The following RIF1 variants were observed in gnomAD, a reference collection of about 807,000 sequenced individuals.
RIF1 encodes replication timing regulatory factor 1.
Under a neutral mutation model 247.1 loss-of-function variants are expected in RIF1, and 45 were observed. The observed-to-expected ratio is 0.18, with a 90% CI of 0.14 to 0.23. RIF1 has a LOEUF of 0.23. Among genes scored for constraint, RIF1 ranks in the 10% least tolerant of loss-of-function variants. The pLI, the probability that RIF1 is intolerant of heterozygous loss-of-function variation, is 1.00. For missense variants in RIF1, 2,967 were observed against 2,862.5 expected, an observed-to-expected ratio of 1.04 and a Z score of -0.83; for synonymous variants, 1,087 against 978.8, an observed-to-expected ratio of 1.11 and a Z score of -2.06.
intron 18 of RIF1, among the ~76,000 whole-genome samples, chr2:151,444,255 A>G (rs1484760656): frequency 6.6e-6 from 1 of 152,224 alleles, no homozygotes; most frequent in Non-Finnish European, 1.5e-5. Context: ...GGGAATATGC[A>G]TTCTCTGGGC....
the RIF1 span, chr2:151,531,214 A>AT: frequency 1.4e-6 from 1 of 713,080 alleles, no homozygotes. Flanking sequence ...AATTCTATGA[A>AT]TTTGACAGGT....
intron 9 of RIF1, chr2:151,492,206 C>G (rs1341580706): frequency 1.9e-6 from 3 of 1,613,814 alleles, no homozygotes; most frequent in African/African-American, 2.7e-5. Context: ...TTCTTCTTTA[C>G]TCGTTCAGTG....
chr2:151,444,144 A>C (rs1242299891), intron 18 of RIF1, among the ~76,000 whole-genome samples: 4 of 152,212 alleles, frequency 2.6e-5, no homozygotes, highest in East Asian at 3.8e-4. Flanking sequence ...TAAATACTTA[A>C]ATCCTCAATG....
At chr2:151,466,255 T>C in intron 30 of RIF1, 135 bp downstream of exon 30, 2 of 608,918 alleles carry the variant, frequency 3.3e-6, no homozygotes, top group Admixed American at 5.6e-5. Flanking sequence ...TAATGGTTGC[T>C]AGGGAAAAGG....
In RIF1 at chr2:151,497,912, G is replaced by T. The variant is rs2061390020; in HGVS notation, c.*514-1433G>T. 15 of 1,473,162 alleles carry T rather than the reference G, an allele frequency of 1.0e-5. No individual in the cohort carries two copies. The South Asian group carries it at 2.0e-4, about 19-fold the overall frequency. 91.3% of individuals were successfully genotyped at this position (1,473,162 alleles called of 1,614,324 possible). ...ACCCTCTAGAGAAGCAGGGACTTCA[G>T]CTGCTGAGGAAGGGCTGTCAGAGTT... On this transcript the variant is annotated intron_variant and NMD_transcript_variant, in intron 10 of 13. Transcript: ENST00000454583.
Position 151,505,508 on chromosome 2 carries a change from AC to A in RIF1, c.*862-701del. The A allele has an allele frequency of 1.9e-6, 3 of 1,613,658 alleles. No individual in the cohort carries two copies. The highest frequency in any genetic ancestry group is 2.5e-6 in the Non-Finnish European group (3 of 1,179,708). On this transcript the variant is annotated intron_variant and NMD_transcript_variant, in intron 12 of 13. Coordinates refer to the RIF1 transcript ENST00000454583. ...TAATGTGCTTCTGCGTCTCCTTCAC[AC>A]GTTTCACTTCAGGCAGGTCAGGGAT... is the stretch of plus-strand genomic sequence containing the variant.
Position 151,443,535 on chromosome 2 carries a change from T to C in RIF1, c.1812T>C (p.Phe604=). ...TTTATAATTTTTTGTTCAGGTTCTT[T>C]CTCAGTTTGGAATCACTTGTAGGCT... ...LECGVSDERF[F]LSLESLVGCV... Residue 604 remains phenylalanine, a synonymous_variant, in exon 18 of 36, where the codon TTT becomes TTC. Transcript: ENST00000444746. 6.4e-7 allele frequency: 1 copy of C among 1,569,042 alleles called. No homozygotes were observed. Among genetic ancestry groups the C allele is most frequent in the African/African-American group, 1.4e-5 (1 of 72,692 alleles).
At chr2:151,534,420 T>G in the RIF1 span, 3 of 948,384 alleles carry the variant, frequency 3.2e-6, no homozygotes, top group African/African-American at 1.6e-5. Flanking sequence ...ATGTCATCTC[T>G]AGTGGCGGGC....
chr2:151,443,776 A>G (rs1692768458), intron 18 of RIF1, 67 bp downstream of exon 18: 1 of 947,936 alleles, frequency 1.1e-6, no homozygotes, highest in East Asian at 2.8e-5. Flanking sequence ...CAGTTGGGGA[A>G]ATGAATAGAA....
At chr2:151,471,627 A>C (rs1316427962) in intron 34 of RIF1, among the ~76,000 whole-genome samples, 1 of 152,212 alleles carries the variant, frequency 6.6e-6, no homozygotes, top group Non-Finnish European at 1.5e-5. Flanking sequence ...TAAATAGGGA[A>C]TCCTTTCCCC....
chr2:151,440,291 T>G (rs183712544), intron 15 of RIF1, among the ~76,000 whole-genome samples, 164 bp downstream of exon 15: 91 of 152,258 alleles, frequency 6.0e-4, no homozygotes, highest in Non-Finnish European at 2.9e-4. Flanking sequence ...AACTGTAGAG[T>G]CATTTGAAAC....
At chr2:151,472,487 G>A (rs1207690650) in intron 34 of RIF1, among the ~76,000 whole-genome samples, 3 of 152,150 alleles carry the variant, frequency 2.0e-5, no homozygotes, top group Non-Finnish European at 4.4e-5. Flanking sequence ...TGCCCATTCA[G>A]TATGATATTG....
chr2:151,499,484 G>A, exon 11 of RIF1: 3 of 692,962 alleles, frequency 4.3e-6, no homozygotes. Context: ...AACTACAGAC[G>A]TCAGACAGAA....
At chr2:151,518,471 C>T in the RIF1 span, 1 of 1,166,200 alleles carries the variant, frequency 8.6e-7, no homozygotes, top group Non-Finnish European at 1.3e-6. Context: ...AGCTGCTCAG[C>T]ATTCCTATTT....
rs746180925 is a variant in RIF1, at chr2:151,497,664, T to C, written c.*514-1681T>C. 19 of 1,585,562 alleles carry C rather than the reference T, an allele frequency of 1.2e-5. No individual in the cohort carries two copies. Among genetic ancestry groups the C allele is most frequent in the Non-Finnish European group, 1.6e-5 (19 of 1,163,596 alleles). On this transcript the variant is annotated intron_variant and NMD_transcript_variant, in intron 10 of 13. Coordinates refer to the RIF1 transcript ENST00000454583. ...TCTTGATTGTGTTTGACTCTTTCCA[T>C]CTCGGGAGTGACAGGTAAAGGGGTT...
the RIF1 span, among the ~76,000 whole-genome samples, chr2:151,516,925 A>T: frequency 2.4e-3 from 367 of 152,348 alleles, no homozygotes; most frequent in Non-Finnish European, 3.9e-3. Context: ...CTTTAAAATT[A>T]TTAATGCTAT....
Position 151,468,568 on chromosome 2 carries a change from T to C in RIF1, c.6825+17T>C, listed in dbSNP as rs1697315443. 2 of 1,607,518 alleles carry C rather than the reference T, an allele frequency of 1.2e-6. No homozygotes were observed. Among genetic ancestry groups the C allele is most frequent in the Non-Finnish European group, 8.5e-7 (1 of 1,174,100 alleles). ...AAGTGTTTAGTAAGAAGTGCTTTAG[T>C]TTTCATGTCACTTTATATTTTCATG... On this transcript the variant is annotated intron_variant, in intron 32 of 35. Coordinates refer to ENST00000444746, the MANE Select transcript of RIF1 (RefSeq NM_018151.5).
At position 151,489,663 on chromosome 2, in the gene RIF1, C is replaced by T. The variant is rs574477731; in HGVS notation, c.*416-5566C>T. 3.3e-5 allele frequency among the ~76,000 whole-genome samples: 5 copies of T among 152,264 alleles called. No individual in the cohort carries two copies. In the East Asian group the frequency reaches 9.7e-4, roughly 29 times the overall value. ...CCTCCTGCATCAGCGTCCCAAAGTG[C>T]TGGCATTATAGGCATGATTCACTAT... On this transcript the variant is annotated intron_variant and NMD_transcript_variant, in intron 9 of 13. Transcript: ENST00000454583.
intron 19 of RIF1, 134 bp from the exon 20 acceptor site, chr2:151,446,292 C>A: frequency 1.2e-6 from 1 of 838,164 alleles, no homozygotes; most frequent in Non-Finnish European, 1.8e-6. Context: ...AGCCACTGCA[C>A]CCGGCCGTTA....
Sources: gnomAD v4.1 joint callset for allele counts (sites outside exome capture counted in the v4.1 genomes callset) on GRCh38, gnomAD v4.1.1 for gene constraint, MANE v1.5 for transcripts, NCBI Gene and HGNC (gene_info 2026-07-23, HGNC 2026-07-21) for gene names.